Variants in CCSER1 observed in about 807,000 individuals in gnomAD.
The protein encoded by CCSER1 is coiled-coil serine rich protein 1, also known as serine-rich coiled-coil domain-containing protein 1.
A neutral mutation model predicts 82.0 loss-of-function variants in CCSER1; 41 were observed. The observed-to-expected ratio is 0.50, with a 90% CI of 0.39 to 0.65. The LOEUF is 0.65. Among genes scored for constraint, CCSER1 ranks in the 30% least tolerant of loss-of-function variants. The probability of loss-of-function intolerance (pLI) is 0.00; values close to 1 mark genes in which losing one functional copy is unlikely to be tolerated. For missense variants in CCSER1, 1,119 were observed against 1,064.2 expected (o/e 1.05, Z -0.72); for synonymous variants, 414 against 383.9 (o/e 1.08, Z -0.92).
chr4:90,947,521 A>G (rs1420826087), intron 9 of CCSER1, among the ~76,000 whole-genome samples: 1 of 152,192 alleles, frequency 6.6e-6, no homozygotes, highest in Admixed American at 6.5e-5. Context: ...CATTTTAAAA[A>G]ATATTTCTAC....
At chr4:90,969,746 T>C (rs190023722) in intron 9 of CCSER1, among the ~76,000 whole-genome samples, 1 of 152,088 alleles carries the variant, frequency 6.6e-6, no homozygotes, top group Non-Finnish European at 1.5e-5. Context: ...TAAAACTCAC[T>C]GGCAAAGGTA....
At chr4:90,986,195 G>C (rs1265302720) in intron 9 of CCSER1, among the ~76,000 whole-genome samples, 2 of 151,570 alleles carry the variant, frequency 1.3e-5, no homozygotes, top group Non-Finnish European at 3.0e-5. Context: ...GAGAAATTTT[G>C]AATTAATTTT....
intron 6 of CCSER1, among the ~76,000 whole-genome samples, chr4:90,708,582 T>C (rs979293613): frequency 6.6e-6 from 1 of 152,164 alleles, no homozygotes; most frequent in Non-Finnish European, 1.5e-5. Context: ...TTTTCTTTAA[T>C]ATGTAAAAAA....
At chr4:91,059,046 T>TA (rs1208596454) in intron 9 of CCSER1, among the ~76,000 whole-genome samples, 2 of 151,970 alleles carry the variant, frequency 1.3e-5, no homozygotes, top group African/African-American at 4.8e-5. Context: ...GTACTACTGG[T>TA]AAAAAGTAAT....
At chr4:90,151,848 A>G (rs1002812935) in intron 1 of CCSER1, among the ~76,000 whole-genome samples, 3 of 152,168 alleles carry the variant, frequency 2.0e-5, no homozygotes, top group African/African-American at 7.2e-5. Context: ...TGAGTTAGAC[A>G]TGGATCTGGC....
chr4:91,514,506 T>C (rs1327492389), intron 10 of CCSER1, among the ~76,000 whole-genome samples: 2 of 152,184 alleles, frequency 1.3e-5, no homozygotes, highest in Admixed American at 6.5e-5. Context: ...ATTTCTTTGT[T>C]AGTTTCTTGC....
intron 9 of CCSER1, among the ~76,000 whole-genome samples, chr4:91,065,034 G>A (rs1044048904): frequency 1.3e-5 from 2 of 151,850 alleles, no homozygotes; most frequent in African/African-American, 4.8e-5. Context: ...GAACACACAT[G>A]TATTAAGGCA....
intron 5 of CCSER1, among the ~76,000 whole-genome samples, chr4:90,569,345 T>C (rs1033698981): frequency 1.3e-5 from 2 of 152,080 alleles, no homozygotes; most frequent in Non-Finnish European, 2.9e-5. Flanking sequence ...CTGGACTGAT[T>C]GGCAAAAATT....
Position 90,604,660 on chromosome 4 carries a change from T to G in CCSER1, c.1725-23365T>G, listed in dbSNP as rs188258594. Among the ~76,000 whole-genome samples, 5 of 152,212 alleles carry G rather than the reference T, an allele frequency of 3.3e-5. No homozygotes were observed. The East Asian group carries it at 9.6e-4, about 29-fold the overall frequency. On this transcript the variant is annotated intron_variant, in intron 5 of 10. Coordinates refer to ENST00000509176, the MANE Select transcript of CCSER1 (RefSeq NM_001145065.2). Reference sequence around the variant, plus strand: ...GTCAGGTGGGGTCTTGGAGAACTTTTATGTCTAGCTAAAGGTTTGTAAATG... The same window carrying G: ...GTCAGGTGGGGTCTTGGAGAACTTTGATGTCTAGCTAAAGGTTTGTAAATG...
intron 10 of CCSER1, among the ~76,000 whole-genome samples, chr4:91,383,727 C>T (rs1265670881): frequency 6.6e-6 from 1 of 151,912 alleles, no homozygotes; most frequent in East Asian, 1.9e-4. Flanking sequence ...TTATTTGTTT[C>T]TTATTGAGGG....
intron 10 of CCSER1, among the ~76,000 whole-genome samples, chr4:91,315,963 G>T (rs1745800611): frequency 6.6e-6 from 1 of 151,958 alleles, no homozygotes. Context: ...GGAAGGAGCT[G>T]GTGGGAGGTA....
chr4:91,141,985 T>G (rs1467482906), intron 10 of CCSER1, among the ~76,000 whole-genome samples: 1 of 152,242 alleles, frequency 6.6e-6, no homozygotes, highest in Admixed American at 6.5e-5. Flanking sequence ...TTTAAGTTCC[T>G]TATAGATTCT....
intron 3 of CCSER1, among the ~76,000 whole-genome samples, chr4:90,326,060 T>TC (rs1276764935): frequency 6.9e-6 from 1 of 143,946 alleles, no homozygotes; most frequent in African/African-American, 2.7e-5. Flanking sequence ...GATACCTTTT[T>TC]TTTTTTTTTT....
intron 10 of CCSER1, among the ~76,000 whole-genome samples, chr4:91,383,516 T>A (rs1362150061): frequency 2.6e-5 from 4 of 152,038 alleles, no homozygotes; most frequent in African/African-American, 9.7e-5. Context: ...TTAACTGGAG[T>A]TATTCTAAGA....
intron 8 of CCSER1, among the ~76,000 whole-genome samples, chr4:90,827,626 T>C (rs534677944): frequency 1.5e-4 from 23 of 152,294 alleles, no homozygotes; most frequent in Non-Finnish European, 3.4e-4. Flanking sequence ...ATGGACACTC[T>C]TTATATTTGA....
intron 1 of CCSER1, among the ~76,000 whole-genome samples, chr4:90,220,841 C>T (rs558104072): frequency 1.3e-5 from 2 of 152,310 alleles, no homozygotes; most frequent in South Asian, 4.1e-4. Context: ...ACCACAATCA[C>T]ACAGAAATAC....
intron 8 of CCSER1, among the ~76,000 whole-genome samples, chr4:90,851,014 G>C (rs1763815600): frequency 6.6e-6 from 1 of 152,144 alleles, no homozygotes; most frequent in South Asian, 2.1e-4. Context: ...AGGTTGGTGA[G>C]TTCTCATGAG....
At chr4:90,395,034 C>T (rs898962179) in intron 3 of CCSER1, among the ~76,000 whole-genome samples, 1 of 152,200 alleles carries the variant, frequency 6.6e-6, no homozygotes, top group African/African-American at 2.4e-5. Flanking sequence ...CTTACTTCTC[C>T]TAACTGAGGC....
intron 9 of CCSER1, among the ~76,000 whole-genome samples, chr4:91,026,224 T>C (rs1254093685): frequency 1.3e-5 from 2 of 152,130 alleles, no homozygotes; most frequent in South Asian, 2.1e-4. Flanking sequence ...ATATAAATTA[T>C]AGATGATAAT....
Sources: gnomAD v4.1 joint callset for allele counts (sites outside exome capture counted in the v4.1 genomes callset) on GRCh38, gnomAD v4.1.1 for gene constraint, MANE v1.5 for transcripts, NCBI Gene and HGNC (gene_info 2026-07-23, HGNC 2026-07-21) for gene names.